The following COPG2 variants were observed in gnomAD, a reference collection of about 807,000 sequenced individuals.
The protein encoded by COPG2 is coatomer subunit gamma-2.
A neutral mutation model predicts 46.3 loss-of-function variants in COPG2; 37 were observed. The ratio of observed to expected loss-of-function variants is 0.80; its 90% CI spans 0.61 to 1.05. The LOEUF is 1.05. Among genes scored for constraint, COPG2 ranks in the 50% least tolerant of loss-of-function variants. The pLI is 0.00. For synonymous variants in COPG2, 159 were observed against 129.7 expected (o/e 1.23, Z -1.53); for missense variants, 427 against 387.8 (o/e 1.10, Z -0.85).
intron 5 of COPG2, among the ~76,000 whole-genome samples, chr7:130,623,191 A>G (rs1345100664): frequency 2.0e-5 from 3 of 152,158 alleles, no homozygotes; most frequent in Non-Finnish European, 4.4e-5. Context: ...AACAGGAATC[A>G]AGGGCCAATG....
At chr7:130,567,881 G>A (rs1458543580) in intron 9 of COPG2, among the ~76,000 whole-genome samples, 1 of 151,694 alleles carries the variant, frequency 6.6e-6, no homozygotes, top group Non-Finnish European at 1.5e-5. Flanking sequence ...AATCTCACAG[G>A]GCCTATAAAA....
In COPG2 at chr7:130,590,788, C is replaced by T. The variant is rs376734933; in HGVS notation, c.737+20165G>A. ...AAAGTGAGGAGCGTCTCTGCCTGGCCGCCCATCATCTGAGATGTGGGGAGC... is the reference window on the plus strand; with the variant it reads ...AAAGTGAGGAGCGTCTCTGCCTGGCTGCCCATCATCTGAGATGTGGGGAGC... On this transcript the variant is annotated intron_variant, in intron 9 of 23. Coordinates refer to ENST00000425248, the MANE Select transcript of COPG2 (RefSeq NM_012133.6). 2.6e-5 allele frequency among the ~76,000 whole-genome samples: 4 copies of T among 151,614 alleles called. No individual in the cohort carries two copies. In the East Asian group the frequency reaches 5.9e-4, roughly 22 times the overall value.
At chr7:130,643,116 G>C (rs1162049451) in intron 5 of COPG2, among the ~76,000 whole-genome samples, 1 of 152,028 alleles carries the variant, frequency 6.6e-6, no homozygotes, top group Non-Finnish European at 1.5e-5. Flanking sequence ...CTAACATGGT[G>C]AAACCCCGTC....
chr7:130,525,740 G>C (rs1449122888), intron 20 of COPG2, among the ~76,000 whole-genome samples: 1 of 152,204 alleles, frequency 6.6e-6, no homozygotes. Flanking sequence ...GTTTAGATCA[G>C]TATCAGCTGG....
chr7:130,601,693 T>A (rs1794633754), intron 9 of COPG2, among the ~76,000 whole-genome samples: 1 of 151,868 alleles, frequency 6.6e-6, no homozygotes. Flanking sequence ...AGGGATAGCG[T>A]TAGGAGAAAT....
intron 4 of COPG2, among the ~76,000 whole-genome samples, chr7:130,654,833 TTTTG>T (rs71178600): frequency 0.42 from 63,763 of 151,412 alleles, 16,313 homozygotes; most frequent in East Asian, 0.59. Context: ...CCCTGGGTTT[TTTTG>T]TTTGTTTGTT....
intron 20 of COPG2, among the ~76,000 whole-genome samples, chr7:130,522,882 C>A (rs1799735846): frequency 1.3e-5 from 2 of 151,034 alleles, no homozygotes. Context: ...GCTTGGGAGG[C>A]CAAGGTGGGT....
At chr7:130,659,054 A>C (rs1030843042) in intron 4 of COPG2, among the ~76,000 whole-genome samples, 4 of 152,086 alleles carry the variant, frequency 2.6e-5, no homozygotes, top group Non-Finnish European at 1.5e-5. Context: ...ATGGCAAATA[A>C]GTACATGAAA....
chr7:130,645,316 A>G, intron 5 of COPG2: 1 of 594,102 alleles, frequency 1.7e-6, no homozygotes, highest in Non-Finnish European at 3.3e-6. Flanking sequence ...GGAGTTTTGT[A>G]GTAATTCTTC....
intron 5 of COPG2, among the ~76,000 whole-genome samples, chr7:130,648,187 T>C (rs1440954376): frequency 2.0e-5 from 3 of 152,208 alleles, no homozygotes; most frequent in African/African-American, 7.2e-5. Flanking sequence ...TTTCTATGCA[T>C]ACAGAAAGGT....
At chr7:130,588,689 T>C (rs1042881781) in intron 9 of COPG2, among the ~76,000 whole-genome samples, 2 of 152,126 alleles carry the variant, frequency 1.3e-5, no homozygotes, top group Non-Finnish European at 2.9e-5. Context: ...GAGATATATC[T>C]AATGCTAAAT....
At chr7:130,558,808 T>C (rs987739915) in intron 12 of COPG2, among the ~76,000 whole-genome samples, 6 of 152,118 alleles carry the variant, frequency 3.9e-5, no homozygotes, top group Non-Finnish European at 7.4e-5. Context: ...AGGTGTGAGC[T>C]ACCACACCTG....
intron 9 of COPG2, 166 bp downstream of exon 9, chr7:130,610,787 A>C (rs1554451925): frequency 1.4e-6 from 1 of 734,842 alleles, no homozygotes; most frequent in African/African-American, 1.8e-5. Context: ...AGTAAGGTTA[A>C]AAAAAGTGTG....
chr7:130,664,507 T>C (rs181575633), intron 3 of COPG2, among the ~76,000 whole-genome samples: 17 of 152,326 alleles, frequency 1.1e-4, no homozygotes, highest in Admixed American at 9.2e-4. Context: ...AACACATGGA[T>C]ATGTCAACTC....
intron 5 of COPG2, among the ~76,000 whole-genome samples, chr7:130,622,304 C>T (rs1219974144): frequency 6.6e-6 from 1 of 152,170 alleles, no homozygotes; most frequent in Non-Finnish European, 1.5e-5. Flanking sequence ...TTCCCCCATA[C>T]TTCTGGGGAG....
At chr7:130,557,748 G>T (rs1336798896) in intron 12 of COPG2, among the ~76,000 whole-genome samples, 1 of 137,646 alleles carries the variant, frequency 7.3e-6, no homozygotes, top group Non-Finnish European at 1.5e-5. Flanking sequence ...CTGGGAGGGG[G>T]AGGTTGCAGA....
intron 9 of COPG2, chr7:130,607,403 T>C: frequency 2.3e-6 from 1 of 434,840 alleles, no homozygotes; most frequent in Non-Finnish European, 4.6e-6. Flanking sequence ...AGTCACATTT[T>C]CCAAATTCTT....
chr7:130,641,664 T>C (rs1382133105), intron 5 of COPG2, among the ~76,000 whole-genome samples: 1 of 152,246 alleles, frequency 6.6e-6, no homozygotes, highest in Non-Finnish European at 1.5e-5. Context: ...GGTTAAGTCA[T>C]AATAGTATCT....
At chr7:130,534,163 C>A (rs1799857221) in intron 20 of COPG2, among the ~76,000 whole-genome samples, 1 of 152,038 alleles carries the variant, frequency 6.6e-6, no homozygotes, top group Admixed American at 6.5e-5. Context: ...AGAGCCTGGG[C>A]ATTTTTGCAA....
Sources: gnomAD v4.1 joint callset for allele counts (sites outside exome capture counted in the v4.1 genomes callset) on GRCh38, gnomAD v4.1.1 for gene constraint, MANE v1.5 for transcripts, NCBI Gene and HGNC (gene_info 2026-07-23, HGNC 2026-07-21) for gene names.